The following RBFOX1 variants were observed in gnomAD, a reference collection of about 807,000 sequenced individuals.
The protein encoded by RBFOX1 is RNA binding protein fox-1 homolog 1.
Under a neutral mutation model 57.7 loss-of-function variants are expected in RBFOX1, and 8 were observed. The observed-to-expected ratio is 0.14, with a 90% CI of 0.08 to 0.25. The LOEUF (loss-of-function observed/expected upper bound fraction) is 0.25. Among genes scored for constraint, RBFOX1 ranks in the 10% least tolerant of loss-of-function variants. RBFOX1 has a pLI of 1.00. For synonymous variants in RBFOX1, 326 were observed against 222.4 expected (o/e 1.47, Z -4.15); for missense variants, 611 against 548.5 (o/e 1.11, Z -1.14).
rs185321932 is a variant in RBFOX1, at chr16:6,127,043, G to A, written c.-127+107051G>A. Among the ~76,000 whole-genome samples the A allele has an allele frequency of 7.4e-4, 112 of 152,252 alleles. 2 individuals carry two copies. In the East Asian group the frequency reaches 0.019, roughly 26 times the overall value. ...GGTGTTTCCACTAAGGCTTAGAGAGGGGGAAGGAATCAAGCTGGACCCACA... is the reference window on the plus strand; with the variant it reads ...GGTGTTTCCACTAAGGCTTAGAGAGAGGGAAGGAATCAAGCTGGACCCACA... On this transcript the variant is annotated intron_variant, in intron 1 of 15. Coordinates refer to ENST00000550418, the MANE Select transcript of RBFOX1 (RefSeq NM_018723.4).
At chr16:5,694,448 G>C (rs1302710782) in intron 3 of RBFOX1, among the ~76,000 whole-genome samples, 1 of 152,186 alleles carries the variant, frequency 6.6e-6, no homozygotes, top group Non-Finnish European at 1.5e-5. Flanking sequence ...CACAACTTCT[G>C]AATGATACCC....
chr16:7,187,690 C>CAAAA (rs536529201), intron 4 of RBFOX1, among the ~76,000 whole-genome samples: 44 of 72,566 alleles, frequency 6.1e-4, no homozygotes, highest in East Asian at 9.7e-4. Flanking sequence ...CTCTGTCTCA[C>CAAAA]AAAAAAAAAA....
At chr16:6,903,545 C>T (rs77452656) in intron 3 of RBFOX1, among the ~76,000 whole-genome samples, 1,984 of 152,210 alleles carry the variant, frequency 0.013, 42 homozygotes, top group African/African-American at 0.045. Flanking sequence ...GATGTGAGCT[C>T]GGAGTGAGTT....
intron 1 of RBFOX1, among the ~76,000 whole-genome samples, chr16:5,357,909 G>C (rs1260786841): frequency 6.6e-6 from 1 of 152,212 alleles, no homozygotes; most frequent in Non-Finnish European, 1.5e-5. Context: ...TAAAAATGAC[G>C]ATTAGGAATA....
At chr16:6,926,922 T>C (rs1442466646) in intron 3 of RBFOX1, among the ~76,000 whole-genome samples, 1 of 152,188 alleles carries the variant, frequency 6.6e-6, no homozygotes, top group African/African-American at 2.4e-5. Flanking sequence ...GCCTGGGTTT[T>C]GTTGTCACTG....
At chr16:7,084,887 T>C (rs1027775617) in intron 4 of RBFOX1, among the ~76,000 whole-genome samples, 5 of 152,192 alleles carry the variant, frequency 3.3e-5, no homozygotes, top group Non-Finnish European at 5.9e-5. Flanking sequence ...ATCTATCTTC[T>C]ATCCGTTTGT....
chr16:6,164,123 T>C (rs2096898943), intron 1 of RBFOX1, among the ~76,000 whole-genome samples: 2 of 152,214 alleles, frequency 1.3e-5, no homozygotes, highest in African/African-American at 4.8e-5. Flanking sequence ...GTGTTTTATA[T>C]TCTGTGACCA....
At chr16:7,352,716 TA>T (rs1455611057) in intron 4 of RBFOX1, among the ~76,000 whole-genome samples, 1 of 151,920 alleles carries the variant, frequency 6.6e-6, no homozygotes, top group East Asian at 1.9e-4. Flanking sequence ...ATGAGCAAAT[TA>T]TTATTATTAT....
chr16:7,202,225 A>T (rs981555064), intron 4 of RBFOX1, among the ~76,000 whole-genome samples: 3 of 152,070 alleles, frequency 2.0e-5, no homozygotes, highest in Non-Finnish European at 4.4e-5. Flanking sequence ...GCTCAACATC[A>T]TTAATCATTA....
chr16:7,199,309 C>T (rs2087657835), intron 4 of RBFOX1, among the ~76,000 whole-genome samples: 1 of 147,726 alleles, frequency 6.8e-6, no homozygotes, highest in African/African-American at 2.5e-5. Context: ...AATTCAGGAT[C>T]CACTGAGTGT....
At chr16:5,456,122 A>T (rs565593365) in intron 1 of RBFOX1, among the ~76,000 whole-genome samples, 1 of 152,180 alleles carries the variant, frequency 6.6e-6, no homozygotes, top group African/African-American at 2.4e-5. Flanking sequence ...TTAAAAAAAA[A>T]ACGTGCTTAA....
chr16:6,901,628 C>A (rs1054037167), intron 3 of RBFOX1, among the ~76,000 whole-genome samples: 1 of 152,278 alleles, frequency 6.6e-6, no homozygotes, highest in Middle Eastern at 3.4e-3. Context: ...TTTGCAAAAT[C>A]TGTTTCTGGT....
chr16:6,457,448 C>G (rs1052253365), intron 2 of RBFOX1, among the ~76,000 whole-genome samples: 2 of 148,172 alleles, frequency 1.3e-5, no homozygotes, highest in African/African-American at 2.4e-5. Context: ...TCCCCCCCCC[C>G]GCAATAGCTT....
chr16:5,757,922 G>T (rs1050877545), intron 3 of RBFOX1, among the ~76,000 whole-genome samples: 3 of 152,096 alleles, frequency 2.0e-5, no homozygotes, highest in Non-Finnish European at 2.9e-5. Context: ...CACTACTCTC[G>T]CTGGTCATCA....
intron 2 of RBFOX1, among the ~76,000 whole-genome samples, chr16:6,543,672 G>A (rs2096855573): frequency 6.6e-6 from 1 of 152,134 alleles, no homozygotes; most frequent in Admixed American, 6.5e-5. Flanking sequence ...ACCTTGGCAG[G>A]GGAGGAGAGA....
intron 1 of RBFOX1, among the ~76,000 whole-genome samples, chr16:5,348,087 C>T (rs148036988): frequency 1.3e-5 from 2 of 149,542 alleles, no homozygotes; most frequent in Admixed American, 6.6e-5. Context: ...ACTCACTCAC[C>T]CACTGTTCAC....
chr16:5,273,389 A>G (rs1045616233), intron 1 of RBFOX1, among the ~76,000 whole-genome samples: 1 of 152,170 alleles, frequency 6.6e-6, no homozygotes, highest in Non-Finnish European at 1.5e-5. Flanking sequence ...ATAATGATGA[A>G]CAAGATAAAC....
intron 4 of RBFOX1, among the ~76,000 whole-genome samples, chr16:7,074,933 G>C (rs1292120158): frequency 6.6e-6 from 1 of 152,150 alleles, no homozygotes. Flanking sequence ...TCTGGGATTG[G>C]AAATGGTGAG....
intron 10 of RBFOX1, among the ~76,000 whole-genome samples, chr16:7,625,420 C>A (rs2142267228): frequency 6.6e-6 from 1 of 152,140 alleles, no homozygotes; most frequent in East Asian, 1.9e-4. Context: ...TTACTATCTG[C>A]CTAAAATAAT....
Sources: gnomAD v4.1 joint callset for allele counts (sites outside exome capture counted in the v4.1 genomes callset) on GRCh38, gnomAD v4.1.1 for gene constraint, MANE v1.5 for transcripts, NCBI Gene and HGNC (gene_info 2026-07-23, HGNC 2026-07-21) for gene names.